Variants in ZNF385B observed in about 807,000 individuals in gnomAD.
The protein encoded by ZNF385B is zinc finger protein 533.
In ZNF385B, 23 loss-of-function variants were observed where a neutral mutation model predicts 39.2. That is an observed-to-expected ratio of 0.59 (90% CI 0.42 to 0.83). ZNF385B has a LOEUF of 0.83. ZNF385B is among the 40% of genes least tolerant of loss of function. ZNF385B has a pLI of 0.00. For synonymous variants in ZNF385B, 205 were observed against 222.6 expected, an observed-to-expected ratio of 0.92 and a Z score of 0.70; for missense variants, 552 against 598.9, an observed-to-expected ratio of 0.92 and a Z score of 0.82.
chr2:179,512,630 T>G (rs1176210155), intron 5 of ZNF385B, among the ~76,000 whole-genome samples: 7 of 152,200 alleles, frequency 4.6e-5, no homozygotes, highest in Non-Finnish European at 1.5e-5. Flanking sequence ...TATACTCAGT[T>G]ACTGGAGAAT....
At chr2:179,460,289 T>C (rs1163551976) in intron 6 of ZNF385B, among the ~76,000 whole-genome samples, 1 of 152,190 alleles carries the variant, frequency 6.6e-6, no homozygotes, top group Admixed American at 6.5e-5. Flanking sequence ...ATCTTGCTTC[T>C]ATTCTCACAG....
At chr2:179,599,853 T>A (rs895599690) in intron 3 of ZNF385B, among the ~76,000 whole-genome samples, 7 of 152,156 alleles carry the variant, frequency 4.6e-5, no homozygotes, top group African/African-American at 1.7e-4. Flanking sequence ...TATATATCAG[T>A]GATTCAGGAA....
At chr2:179,535,751 T>C (rs2059524503) in intron 4 of ZNF385B, among the ~76,000 whole-genome samples, 3 of 152,140 alleles carry the variant, frequency 2.0e-5, no homozygotes, top group Admixed American at 2.0e-4. Flanking sequence ...GTAAAAAGTG[T>C]TTTTTCAAGA....
At chr2:179,586,767 G>A (rs1207799857) in intron 3 of ZNF385B, among the ~76,000 whole-genome samples, 1 of 152,236 alleles carries the variant, frequency 6.6e-6, no homozygotes, top group East Asian at 1.9e-4. Context: ...GGCTGGGCAT[G>A]GTGGCTCATG....
At chr2:179,836,514 T>TTTTTTTTC (rs1491360032) in intron 1 of ZNF385B, among the ~76,000 whole-genome samples, 1 of 54,278 alleles carries the variant, frequency 1.8e-5, no homozygotes, top group Admixed American at 2.4e-4. Context: ...TTGCGTTTTC[T>TTTTTTTTC]TTTTTTTTTT....
At chr2:179,460,998 T>C (rs2051269203) in intron 6 of ZNF385B, among the ~76,000 whole-genome samples, 1 of 152,190 alleles carries the variant, frequency 6.6e-6, no homozygotes, top group Non-Finnish European at 1.5e-5. Context: ...GTTAGGCAAT[T>C]ACAATATTTA....
chr2:179,601,781 G>A (rs942181677), intron 3 of ZNF385B, among the ~76,000 whole-genome samples: 1 of 152,030 alleles, frequency 6.6e-6, no homozygotes, highest in African/African-American at 2.4e-5. Context: ...AATCAAGAGA[G>A]CCAGCAATAT....
intron 3 of ZNF385B, among the ~76,000 whole-genome samples, chr2:179,767,287 G>A (rs1049592127): frequency 2.0e-5 from 3 of 152,094 alleles, no homozygotes; most frequent in African/African-American, 7.2e-5. Context: ...ATTAAGAACA[G>A]CATTGCCACC....
At chr2:179,632,491 T>C (rs929516054) in intron 3 of ZNF385B, among the ~76,000 whole-genome samples, 4 of 152,104 alleles carry the variant, frequency 2.6e-5, no homozygotes, top group African/African-American at 9.7e-5. Context: ...TAAAGATGTT[T>C]TTTGAATCCA....
At chr2:179,557,935 T>C (rs1164796484) in intron 3 of ZNF385B, among the ~76,000 whole-genome samples, 1 of 152,076 alleles carries the variant, frequency 6.6e-6, no homozygotes, top group Non-Finnish European at 1.5e-5. Flanking sequence ...TAATATTCCC[T>C]ATGGGGAAAA....
At chr2:179,822,978 C>T (rs1253723333) in intron 1 of ZNF385B, among the ~76,000 whole-genome samples, 3 of 152,050 alleles carry the variant, frequency 2.0e-5, no homozygotes. Context: ...AGATTTCAGG[C>T]TTTGTTTGGA....
At chr2:179,813,315 A>G (rs966708540) in intron 1 of ZNF385B, among the ~76,000 whole-genome samples, 13 of 152,296 alleles carry the variant, frequency 8.5e-5, no homozygotes, top group African/African-American at 3.1e-4. Flanking sequence ...ATGCCAGTTT[A>G]TCTTATTTAC....
chr2:179,659,818 T>C (rs1042084725), intron 3 of ZNF385B, among the ~76,000 whole-genome samples: 1 of 152,196 alleles, frequency 6.6e-6, no homozygotes, highest in African/African-American at 2.4e-5. Context: ...AAAAATGTTA[T>C]GCTGATTTTA....
In ZNF385B at chr2:179,657,800, CTATT is replaced by C. The variant is rs1407045653; in HGVS notation, c.298+111699_298+111702del. Among the ~76,000 whole-genome samples, 4 of 152,112 alleles carry C rather than the reference CTATT, an allele frequency of 2.6e-5. No individual in the cohort carries two copies. The East Asian group carries it at 5.8e-4, about 22-fold the overall frequency. ...ATGCTTGACACTTTATAAATATTAC[CTATT>C]TAATCGTTACAGCAATCTTTAATAT... On this transcript the variant is annotated intron_variant, in intron 3 of 9. Coordinates refer to ENST00000410066, the MANE Select transcript of ZNF385B (RefSeq NM_152520.6).
chr2:179,632,333 G>C (rs1226046949), intron 3 of ZNF385B, among the ~76,000 whole-genome samples: 1 of 152,146 alleles, frequency 6.6e-6, no homozygotes, highest in Non-Finnish European at 1.5e-5. Flanking sequence ...TAAAAGAATT[G>C]ATATCACAAC....
intron 1 of ZNF385B, 31 bp from the exon 2 acceptor site, chr2:179,770,703 A>G (rs572793848): frequency 6.6e-6 from 1 of 152,362 alleles, no homozygotes; most frequent in East Asian, 1.9e-4. Flanking sequence ...AAATTTTAGT[A>G]AACTGGTAAT....
intron 3 of ZNF385B, among the ~76,000 whole-genome samples, chr2:179,672,446 G>A (rs1004418772): frequency 1.8e-4 from 27 of 152,146 alleles, no homozygotes; most frequent in African/African-American, 5.8e-4. Flanking sequence ...CAAGACTTTC[G>A]GTTCTCTTGG....
intron 1 of ZNF385B, among the ~76,000 whole-genome samples, chr2:179,779,883 T>C (rs542121413): frequency 1.3e-5 from 2 of 152,314 alleles, no homozygotes; most frequent in African/African-American, 2.4e-5. Flanking sequence ...TATATTAAAA[T>C]ATGATGTTTA....
intron 3 of ZNF385B, among the ~76,000 whole-genome samples, chr2:179,662,823 C>T (rs1299232639): frequency 6.6e-6 from 1 of 152,006 alleles, no homozygotes; most frequent in Non-Finnish European, 1.5e-5. Context: ...CTTTGATAAA[C>T]TTTTTCTAGT....
Sources: allele counts gnomAD v4.1 joint callset (sites outside exome capture counted in the v4.1 genomes callset), GRCh38; gene constraint gnomAD v4.1.1; transcripts MANE v1.5; gene names NCBI Gene and HGNC (gene_info 2026-07-23, HGNC 2026-07-21).